Variants in WDPCP observed in about 807,000 individuals in gnomAD.
WDPCP encodes WD repeat containing planar cell polarity effector.
A neutral mutation model predicts 93.1 loss-of-function variants in WDPCP; 71 were observed. The observed-to-expected ratio is 0.76, with a 90% confidence interval of 0.63 to 0.93. The LOEUF is 0.93. Among genes scored for constraint, WDPCP ranks in the 40% least tolerant of loss-of-function variants. The pLI is 0.00. For synonymous variants in WDPCP, 315 were observed against 315.0 expected, an observed-to-expected ratio of 1.00 and a Z score of 0.00; for missense variants, 844 against 887.4, an observed-to-expected ratio of 0.95 and a Z score of 0.62.
chr2:63,376,921 T>A (rs975875931), intron 12 of WDPCP, among the ~76,000 whole-genome samples: 1 of 151,826 alleles, frequency 6.6e-6, no homozygotes, highest in African/African-American at 2.4e-5. Flanking sequence ...AATCTAATGA[T>A]AGAACATGAA....
intron 13 of WDPCP, among the ~76,000 whole-genome samples, chr2:63,294,314 G>A (rs6748030): frequency 0.85 from 122,999 of 144,882 alleles, 50,588 homozygotes; most frequent in East Asian, 0.96. Flanking sequence ...GACCAGTCTG[G>A]CCAACAGGGG....
chr2:63,575,146 G>A (rs150986555), intron 1 of WDPCP, among the ~76,000 whole-genome samples: 1,605 of 150,834 alleles, frequency 0.011, 19 homozygotes, highest in Non-Finnish European at 0.015. Flanking sequence ...GCTGCCTAGG[G>A]GACAACTACC....
chr2:63,796,232 G>T (rs1489918357), intron 2 of WDPCP, among the ~76,000 whole-genome samples: 1 of 152,228 alleles, frequency 6.6e-6, no homozygotes, highest in African/African-American at 2.4e-5. Context: ...ATGCTAAGAA[G>T]AGGAAAACAA....
At chr2:63,707,359 C>T (rs187034380) in intron 2 of WDPCP, among the ~76,000 whole-genome samples, 12 of 152,278 alleles carry the variant, frequency 7.9e-5, no homozygotes, top group Admixed American at 1.3e-4. Context: ...GTTCTCTTCA[C>T]GCTTCATTTC....
chr2:63,566,443 T>C (rs978298773), intron 1 of WDPCP, among the ~76,000 whole-genome samples: 3 of 152,260 alleles, frequency 2.0e-5, no homozygotes, highest in Non-Finnish European at 4.4e-5. Context: ...CTTTCTTGTA[T>C]TGATTGATGT....
intron 1 of WDPCP, among the ~76,000 whole-genome samples, chr2:63,539,278 T>G (rs7571585): frequency 1.3e-5 from 2 of 152,198 alleles, no homozygotes; most frequent in East Asian, 3.8e-4. Context: ...AAGCCCCTTT[T>G]TCACTTGAAG....
chr2:63,513,473 T>C (rs1238881129), intron 1 of WDPCP, among the ~76,000 whole-genome samples: 1 of 151,984 alleles, frequency 6.6e-6, no homozygotes, highest in Non-Finnish European at 1.5e-5. Flanking sequence ...GATTTGAAGG[T>C]CTCTGAAGCA....
chr2:63,647,367 C>T (rs1365698921), intron 3 of WDPCP, among the ~76,000 whole-genome samples: 1 of 152,084 alleles, frequency 6.6e-6, no homozygotes, highest in East Asian at 1.9e-4. Flanking sequence ...AACTCCTGAC[C>T]TCATGATCCA....
At chr2:63,496,866 C>T (rs1352301530) in intron 1 of WDPCP, among the ~76,000 whole-genome samples, 2 of 152,068 alleles carry the variant, frequency 1.3e-5, no homozygotes, top group Admixed American at 6.5e-5. Context: ...AATCCCAGCA[C>T]TTTGGGAGGC....
chr2:63,381,371 C>G (rs1409179878), intron 11 of WDPCP, among the ~76,000 whole-genome samples: 1 of 151,886 alleles, frequency 6.6e-6, no homozygotes, highest in Non-Finnish European at 1.5e-5. Context: ...GAAATCCAAG[C>G]AGGCAGAAGA....
rs78785645 is a variant in WDPCP, at chr2:63,210,406, T to A, written c.1916-35574A>T. 2.9e-3 allele frequency among the ~76,000 whole-genome samples: 439 copies of A among 152,268 alleles called. 3 individuals carry two copies. The highest frequency in any genetic ancestry group is 6.4e-3 in the Admixed American group (98 of 15,304). On this transcript the variant is annotated intron_variant, in intron 14 of 17. Transcript: ENST00000272321. ...TTAATTTACACAAATTAAAATTTTT[T>A]AAATTAAAATTTGTGTAAATTAACT...
intron 12 of WDPCP, among the ~76,000 whole-genome samples, chr2:63,361,301 T>G (rs761601014): frequency 6.6e-6 from 1 of 152,220 alleles, no homozygotes; most frequent in Non-Finnish European, 1.5e-5. Context: ...AGTGTATTAT[T>G]GTGGCCAAAA....
At position 63,186,692 on chromosome 2, in the gene WDPCP, A is replaced by T. The variant is rs147247675; in HGVS notation, c.1916-11860T>A. Among the ~76,000 whole-genome samples the T allele has an allele frequency of 7.2e-5, 11 of 152,310 alleles. No individual in the cohort carries two copies. The East Asian group carries it at 2.1e-3, about 29-fold the overall frequency. ...ATCGGGGACTTCACTCACAGTTCTC[A>T]GCCAGATGCTGCTACTCAGGGTGCC... is the stretch of plus-strand genomic sequence containing the variant. On this transcript the variant is annotated intron_variant, in intron 14 of 17. Transcript: ENST00000272321.
chr2:63,284,710 G>A (rs1364487463), intron 13 of WDPCP, among the ~76,000 whole-genome samples: 1 of 152,186 alleles, frequency 6.6e-6, no homozygotes, highest in Non-Finnish European at 1.5e-5. Flanking sequence ...TCCTGGGCAG[G>A]ATGGAGCAGG....
At chr2:63,123,993 T>G (rs1669723084) in intron 17 of WDPCP, among the ~76,000 whole-genome samples, 1 of 151,624 alleles carries the variant, frequency 6.6e-6, no homozygotes, top group South Asian at 2.1e-4. Context: ...ATTATTCCAT[T>G]AAATACTATA....
intron 2 of WDPCP, among the ~76,000 whole-genome samples, chr2:63,722,444 A>G (rs1325085290): frequency 3.1e-3 from 372 of 119,406 alleles, no homozygotes; most frequent in South Asian, 7.6e-3. Context: ...GGTGAGGAGC[A>G]TCTCTGCCCG....
chr2:63,447,925 G>A (rs78054523), intron 6 of WDPCP, among the ~76,000 whole-genome samples: 2,510 of 152,040 alleles, frequency 0.017, 81 homozygotes, highest in African/African-American at 0.057. Context: ...AATGAGTTTC[G>A]GGTAGGCATA....
At chr2:63,578,442 A>C (rs1363294269) in intron 1 of WDPCP, among the ~76,000 whole-genome samples, 1 of 152,212 alleles carries the variant, frequency 6.6e-6, no homozygotes. Context: ...TGAAAACTGC[A>C]CTTTCCACCA....
chr2:63,576,410 G>T (rs537507541), intron 1 of WDPCP, among the ~76,000 whole-genome samples: 69 of 152,234 alleles, frequency 4.5e-4, no homozygotes, highest in African/African-American at 1.6e-3. Context: ...TATTATAAAG[G>T]TTACTACAAA....
Sources: allele counts gnomAD v4.1 joint callset (sites outside exome capture counted in the v4.1 genomes callset), GRCh38; gene constraint gnomAD v4.1.1; transcripts MANE v1.5; gene names NCBI Gene and HGNC (gene_info 2026-07-23, HGNC 2026-07-21).